The following ALK variants were observed in gnomAD, a reference collection of about 807,000 sequenced individuals.
The protein encoded by ALK is ALK tyrosine kinase receptor.
A neutral mutation model predicts 163.1 loss-of-function variants in ALK; 74 were observed. That is an observed-to-expected ratio of 0.45 (90% CI 0.38 to 0.55). The LOEUF (loss-of-function observed/expected upper bound fraction) is 0.55. ALK is among the 20% of genes least tolerant of loss of function. The pLI, the probability that ALK is intolerant of heterozygous loss-of-function variation, is 0.00. For missense variants in ALK, 2,063 were observed against 2,105.3 expected (o/e 0.98, Z 0.39); for synonymous variants, 960 against 843.2 (o/e 1.14, Z -2.40).
intron 2 of ALK, among the ~76,000 whole-genome samples, chr2:29,697,736 T>C (rs1026721872): frequency 1.3e-5 from 2 of 152,228 alleles, no homozygotes; most frequent in Admixed American, 6.5e-5. Flanking sequence ...TTTGGTTTTC[T>C]CACCAAAAGA....
In ALK at chr2:29,750,709, CAGGA is replaced by C. The variant is rs796762137; in HGVS notation, c.668-33016_668-33013del. Among the ~76,000 whole-genome samples, 251 of 109,968 alleles carry C rather than the reference CAGGA, an allele frequency of 2.3e-3. 1 individual carries two copies. The highest frequency in any genetic ancestry group is 5.3e-3 in the Middle Eastern group (1 of 190). The allele number at this position is 109,968 out of a possible 152,430, so 72.1% of individuals were successfully genotyped here. On this transcript the variant is annotated intron_variant, in intron 1 of 28. Transcript: ENST00000389048. ...GAAGGAAGGAAGGAAGGCAGGCAGG[CAGGA>C]AGGAAGGAAGGAAGGAAGAAAGGGA...
chr2:29,216,955 GTGTGTGT>G (rs1669636941), intron 23 of ALK, among the ~76,000 whole-genome samples: 1 of 37,410 alleles, frequency 2.7e-5, no homozygotes, highest in Non-Finnish European at 6.8e-5. Context: ...GGCATGTGAT[GTGTGTGT>G]GGTGTGTGCG....
intron 3 of ALK, among the ~76,000 whole-genome samples, chr2:29,628,892 G>A (rs915214516): frequency 1.1e-4 from 17 of 152,100 alleles, no homozygotes; most frequent in East Asian, 3.8e-4. Flanking sequence ...CAGTGCTCTC[G>A]CCACAGAAAA....
At chr2:29,727,885 CTA>C (rs1679618154) in intron 1 of ALK, among the ~76,000 whole-genome samples, 1 of 152,070 alleles carries the variant, frequency 6.6e-6, no homozygotes, top group Non-Finnish European at 1.5e-5. Context: ...GCCATGAAGA[CTA>C]TTTATCTGTG....
chr2:29,609,276 G>T (rs780882591), intron 3 of ALK, among the ~76,000 whole-genome samples: 1 of 151,636 alleles, frequency 6.6e-6, no homozygotes. Flanking sequence ...TTGTTTTTTT[G>T]TGTGTGGTTT....
rs746160392 is a variant in ALK at position 29,223,524 on chromosome 2, G to C, written c.3177C>G (p.Tyr1059Ter). 1.9e-6 allele frequency: 3 copies of C among 1,613,464 alleles called. No homozygotes were observed. The highest frequency in any genetic ancestry group is 1.7e-6 in the Non-Finnish European group (2 of 1,179,994). Residue 1059 changes from tyrosine to a stop codon, truncating the protein, a stop_gained, in exon 20 of 29, where the codon TAC becomes TAG. Transcript: ENST00000389048. LOFTEE classifies it high-confidence loss of function. ...CTTGCAGCTCCTGGTGCTTCCGGCG[G>C]TACACTGCAGGTGGGTGGTCAGCTG... The part of the protein sequence containing the change: ...VLAFSGIMIV[Y>*]RRKHQELQAM...
intron 3 of ALK, among the ~76,000 whole-genome samples, chr2:29,571,351 C>T (rs1674362701): frequency 6.6e-6 from 1 of 152,168 alleles, no homozygotes; most frequent in African/African-American, 2.4e-5. Flanking sequence ...CCTGCAATCC[C>T]CACGTGTCAA....
chr2:29,721,488 A>C (rs1679421132), intron 1 of ALK, among the ~76,000 whole-genome samples: 1 of 152,174 alleles, frequency 6.6e-6, no homozygotes, highest in South Asian at 2.1e-4. Flanking sequence ...TCTCTTTCCA[A>C]TACAACTAGT....
intron 4 of ALK, among the ~76,000 whole-genome samples, chr2:29,390,456 A>G (rs1464160438): frequency 6.6e-6 from 1 of 152,128 alleles, no homozygotes; most frequent in Non-Finnish European, 1.5e-5. Flanking sequence ...ATTCCTCCAC[A>G]TGTGTCTTTG....
rs1573155484 is a variant in ALK at position 29,246,300 on chromosome 2, C to T, written c.2204+4805G>A. Reference sequence around the variant, plus strand: ...TGAGTGCTGGCGCCTCTGCCTGTGGCAGGCCACCCGTGGGCTCTCACTGAG... The same window carrying T: ...TGAGTGCTGGCGCCTCTGCCTGTGGTAGGCCACCCGTGGGCTCTCACTGAG... On this transcript the variant is annotated intron_variant, in intron 12 of 28. Transcript: ENST00000389048. This position sits in a 1 kb window ranked among gnomAD's most constrained non-coding sequence, Gnocchi z 4.3. Among the ~76,000 whole-genome samples, 1 of 152,082 alleles carries T rather than the reference C, an allele frequency of 6.6e-6. No homozygotes were observed. Among genetic ancestry groups the T allele is most frequent in the East Asian group, 1.9e-4 (1 of 5,184 alleles).
At chr2:29,219,923 A>T (rs930708149) in intron 23 of ALK, among the ~76,000 whole-genome samples, 9 of 152,202 alleles carry the variant, frequency 5.9e-5, no homozygotes, top group Non-Finnish European at 8.8e-5. Flanking sequence ...TCCAGGTATT[A>T]TTATCCCTAC....
At chr2:29,342,875 AT>A (rs1667834903) in intron 5 of ALK, among the ~76,000 whole-genome samples, 1 of 112,836 alleles carries the variant, frequency 8.9e-6, no homozygotes, top group Admixed American at 1.1e-4. Flanking sequence ...GTGCTCAGTG[AT>A]CTTTTTTTTT....
At chr2:29,314,051 C>A (rs1259453183) in intron 8 of ALK, among the ~76,000 whole-genome samples, 1 of 152,190 alleles carries the variant, frequency 6.6e-6, no homozygotes, top group African/African-American at 2.4e-5. Flanking sequence ...GCCTGCCTCT[C>A]GGCTTCCCTG....
intron 4 of ALK, among the ~76,000 whole-genome samples, chr2:29,450,921 C>T (rs59035516): frequency 0.15 from 23,169 of 151,920 alleles, 1,967 homozygotes; most frequent in East Asian, 0.34. Context: ...AGTGAGAGTC[C>T]GTGGGGGCGG....
intron 8 of ALK, among the ~76,000 whole-genome samples, chr2:29,301,657 C>T (rs1316451569): frequency 1.3e-5 from 2 of 152,216 alleles, no homozygotes; most frequent in Non-Finnish European, 2.9e-5. Flanking sequence ...TCCTCAGCTG[C>T]TCCCTGGAAC....
chr2:29,609,220 A>G (rs1675621470), intron 3 of ALK, among the ~76,000 whole-genome samples: 1 of 152,142 alleles, frequency 6.6e-6, no homozygotes, highest in South Asian at 2.1e-4. Context: ...CACCATGCCC[A>G]GACTATTTCC....
At chr2:29,858,032 C>T (rs2148404908) in intron 1 of ALK, among the ~76,000 whole-genome samples, 1 of 143,296 alleles carries the variant, frequency 7.0e-6, no homozygotes, top group Middle Eastern at 3.5e-3. Context: ...CCTAGTTTTA[C>T]TTGCATTGGT....
Position 29,440,587 on chromosome 2 carries a change from G to A in ALK, c.1155-56728C>T, listed in dbSNP as rs150230583. Among the ~76,000 whole-genome samples the A allele has an allele frequency of 2.6e-3, 398 of 152,284 alleles. 3 individuals carry two copies. The highest frequency in any genetic ancestry group is 0.017 in the East Asian group (87 of 5,148). On this transcript the variant is annotated intron_variant, in intron 4 of 28. Coordinates refer to ENST00000389048, the MANE Select transcript of ALK (RefSeq NM_004304.5). ...CTGCCTTGGCCTCCCAAAGTGCTGG[G>A]ATTACAGGCATAAGCCACAGTGCCT...
chr2:29,221,228 C>T (rs1669796162), intron 22 of ALK: 1 of 537,974 alleles, frequency 1.9e-6, no homozygotes, highest in South Asian at 1.5e-5. Flanking sequence ...ACAACTGCTT[C>T]CAAGAGAGAC....
Sources: allele counts gnomAD v4.1 joint callset (sites outside exome capture counted in the v4.1 genomes callset), GRCh38; gene constraint gnomAD v4.1.1; non-coding constraint Gnocchi (gnomAD v3.1); transcripts MANE v1.5; gene names NCBI Gene and HGNC (gene_info 2026-07-23, HGNC 2026-07-21).